NRBP2: variants seen among roughly 807,000 people sequenced by gnomAD.
NRBP2 encodes nuclear receptor binding protein 2, also known as nuclear receptor-binding protein 2.
Under a neutral mutation model 74.4 loss-of-function variants are expected in NRBP2, and 47 were observed. The ratio of observed to expected loss-of-function variants is 0.63; its 90% CI spans 0.50 to 0.81. The LOEUF (loss-of-function observed/expected upper bound fraction) is 0.81. NRBP2 is among the 30% of genes least tolerant of loss of function. The pLI is 0.00. For missense variants in NRBP2, 613 were observed against 690.1 expected, an observed-to-expected ratio of 0.89 and a Z score of 1.25; for synonymous variants, 312 against 273.8, an observed-to-expected ratio of 1.14 and a Z score of -1.38.
rs781899767 is a variant in NRBP2, at chr8:143,835,815, C to T, written c.1437+5G>A. 2.2e-5 allele frequency: 35 copies of T among 1,600,202 alleles called. No homozygotes were observed. Among genetic ancestry groups the T allele is most frequent in the Admixed American group, 3.4e-5 (2 of 58,206 alleles). ...CGCCAGGCCGCGCCGCACCGCCCAG[C>T]GCACCTCGTGGAGGAAGCCATAGTG... On this transcript the variant is annotated splice_donor_5th_base_variant and intron_variant, in intron 17 of 17. Coordinates refer to ENST00000442628, the MANE Select transcript of NRBP2 (RefSeq NM_178564.4). The surrounding 1 kb of genome is among the most constrained non-coding windows in gnomAD (Gnocchi z 4.9).
At chr8:143,832,494 G>A (rs1413525351), downstream of NRBP2, among the ~76,000 whole-genome samples, 7 of 152,212 alleles carry the variant, frequency 4.6e-5, no homozygotes, top group East Asian at 1.9e-4. Flanking sequence ...TCTCCTGCCC[G>A]TCCCTGGGCA....
Position 143,837,844 on chromosome 8 carries a change from A to G in NRBP2, c.841-89T>C. 2 of 1,484,854 alleles carry G rather than the reference A, an allele frequency of 1.3e-6. No individual in the cohort carries two copies. The highest frequency in any genetic ancestry group is 2.4e-5 in the South Asian group (2 of 82,874). The allele number at this position is 1,484,854 out of a possible 1,614,324, so 92.0% of individuals were successfully genotyped here. A position where few individuals can be genotyped will look rare whatever the true frequency, so the allele number is the denominator to read the frequency against. On this transcript the variant is annotated intron_variant, in intron 10 of 17. Coordinates refer to ENST00000442628, the MANE Select transcript of NRBP2 (RefSeq NM_178564.4). The surrounding 1 kb of genome is among the most constrained non-coding windows in gnomAD (Gnocchi z 4.3). Reference sequence around the variant, plus strand: ...AGGAGAGGTGGCCCCTGAGTTCCCCATGTCCCTCCTCAGGGACACACAGGA... The same window carrying G: ...AGGAGAGGTGGCCCCTGAGTTCCCCGTGTCCCTCCTCAGGGACACACAGGA...
chr8:143,835,689 G>A lies in NRBP2; in HGVS notation c.1479C>T (p.Phe493=), dbSNP rs1818332757. The part of the protein sequence containing the change: ...MKLAAFLEST[F]LKYRGTQA ...AGGCCTGGGTCCCACGGTACTTGAG[G>A]AAGGTGCTCTCCAGGAAGGCGGCCA... Residue 493 remains phenylalanine (F), a synonymous_variant, in exon 18 of 18, where the codon TTC becomes TTT. Transcript: ENST00000442628. This position sits in a 1 kb window ranked among gnomAD's most constrained non-coding sequence, Gnocchi z 4.9. The A allele has an allele frequency of 1.3e-6, 2 of 1,599,294 alleles. No individual in the cohort carries two copies. The highest frequency in any genetic ancestry group is 1.7e-4 in the Middle Eastern group (1 of 6,016).
In NRBP2 at chr8:143,840,104, C is replaced by T. The variant is rs1351742894; in HGVS notation, c.252+3G>A. 1.3e-6 allele frequency: 2 copies of T among 1,536,012 alleles called. No individual in the cohort carries two copies. Among genetic ancestry groups the T allele is most frequent in the Non-Finnish European group, 1.7e-6 (2 of 1,146,900 alleles). On this transcript the variant is annotated splice_donor_region_variant and intron_variant, in intron 2 of 17. Coordinates refer to ENST00000442628, the MANE Select transcript of NRBP2 (RefSeq NM_178564.4). This position sits in a 1 kb window ranked among gnomAD's most constrained non-coding sequence, Gnocchi z 5.7. ...CAGGATGAGGAGGGGGCAGCGGTCT[C>T]ACCTCGTGCGCCGCGAAGGCCTTCC...
rs1554651987 is a variant in NRBP2 at position 143,837,055 on chromosome 8, T to G, written c.1247A>C (p.Asp416Ala). The G allele has an allele frequency of 1.2e-6, 2 of 1,610,838 alleles. No homozygotes were observed. The highest frequency in any genetic ancestry group is 1.7e-5 in the Admixed American group (1 of 58,976). The change falls in exon 14 of 18, where the codon GAC becomes GCC. Residue 416 changes from aspartate to alanine, a missense_variant. Coordinates refer to ENST00000442628, the MANE Select transcript of NRBP2 (RefSeq NM_178564.4). This position sits in a 1 kb window ranked among gnomAD's most constrained non-coding sequence, Gnocchi z 4.3. The stretch of plus-strand genomic sequence containing the variant: ...GGGACTCACCTTTCTGGTCTCAGAG[T>G]CAAAGGGCTCTGGCGTCGGGGTCTT... ...KAKTPTPEPF[D>A]SETRKVIQMQ...
chr8:143,832,905 G>C (rs543370773), downstream of NRBP2, among the ~76,000 whole-genome samples: 1 of 152,064 alleles, frequency 6.6e-6, no homozygotes, highest in East Asian at 1.9e-4. Context: ...TAAGTCTCTT[G>C]TTCCACCTTA....
chr8:143,831,275 A>G (rs1453127807), downstream of NRBP2, among the ~76,000 whole-genome samples: 3 of 152,246 alleles, frequency 2.0e-5, no homozygotes, highest in Non-Finnish European at 4.4e-5. Context: ...CAGCAGTAGA[A>G]TGGCTCCAGA....
At position 143,835,639 on chromosome 8, in the gene NRBP2, T is replaced by C; in HGVS notation, c.*23A>G. 6.4e-7 allele frequency: 1 copy of C among 1,553,040 alleles called. No homozygotes were observed. The highest frequency in any genetic ancestry group is 8.7e-7 in the Non-Finnish European group (1 of 1,151,626). On this transcript the variant is annotated 3_prime_UTR_variant, in exon 18 of 18. Transcript: ENST00000442628. This position sits in a 1 kb window ranked among gnomAD's most constrained non-coding sequence, Gnocchi z 4.9. ...CTGCCCAGGCAGCACCCCGGCATGG[T>C]CCCCTGGGGCTGGGGCTCCGGGTCA... is the stretch of plus-strand genomic sequence containing the variant.
At position 143,839,617 on chromosome 8, in the gene NRBP2, GC is replaced by G; in HGVS notation, c.445-69del. 6.6e-7 allele frequency: 1 copy of G among 1,506,674 alleles called. No individual in the cohort carries two copies. The highest frequency in any genetic ancestry group is 8.8e-7 in the Non-Finnish European group (1 of 1,132,966). The allele number at this position is 1,506,674 out of a possible 1,614,324, so 93.3% of individuals were successfully genotyped here. ...AGAGGCGGCTGGGCCTGCGGAGCCC[GC>G]CCCGCATCCTCGCCCAGCCCCTGTC... On this transcript the variant is annotated intron_variant, in intron 4 of 17. Coordinates refer to ENST00000442628, the MANE Select transcript of NRBP2 (RefSeq NM_178564.4). The surrounding 1 kb of genome is among the most constrained non-coding windows in gnomAD (Gnocchi z 5.1).
chr8:143,838,623 G>C lies in NRBP2; in HGVS notation c.840+57C>G, dbSNP rs568579676. ...CTCCCAGGTCTGCCTGGAGCACCTTGCTAGCCCTAGCTGAGCACGGTGAGC... is the reference window on the plus strand; with the variant it reads ...CTCCCAGGTCTGCCTGGAGCACCTTCCTAGCCCTAGCTGAGCACGGTGAGC... On this transcript the variant is annotated intron_variant, in intron 10 of 17. Transcript: ENST00000442628. 28 of 1,318,880 alleles carry C rather than the reference G, an allele frequency of 2.1e-5. No homozygotes were observed. In the Admixed American group the frequency reaches 4.2e-4, roughly 20 times the overall value. The allele number at this position is 1,318,880 out of a possible 1,614,324, so 81.7% of individuals were successfully genotyped here. A position where few individuals can be genotyped will look rare whatever the true frequency, so the allele number is the denominator to read the frequency against.
Position 143,839,517 on chromosome 8 carries a change from A to T in NRBP2, c.477T>A (p.Ser159=), listed in dbSNP as rs1818597455. The change falls in exon 5 of 18, where the codon TCT becomes TCA. Residue 159 remains serine (S), a synonymous_variant. Coordinates refer to ENST00000442628, the MANE Select transcript of NRBP2 (RefSeq NM_178564.4). The surrounding 1 kb of genome is among the most constrained non-coding windows in gnomAD (Gnocchi z 5.1). ...AWKRWCTQIL[S]ALSFLHACSP... is the part of the protein sequence containing the mutation. ...CCAGCCCAGGCCCTCACCTGAGCGC[A>T]GACAGGATCTGCGTGCACCAGCGCT... 4 of 1,533,116 alleles carry T rather than the reference A, an allele frequency of 2.6e-6. No homozygotes were observed. Among genetic ancestry groups the T allele is most frequent in the Non-Finnish European group, 3.5e-6 (4 of 1,146,128 alleles). 95.0% of individuals were successfully genotyped at this position (1,533,116 alleles called of 1,614,324 possible).
Position 143,839,359 on chromosome 8 carries a change from C to G in NRBP2, c.535G>C (p.Asp179His). 1 of 1,583,782 alleles carries G rather than the reference C, an allele frequency of 6.3e-7. No individual in the cohort carries two copies. The highest frequency in any genetic ancestry group is 8.5e-7 in the Non-Finnish European group (1 of 1,172,702). ...PPIIHGNLTS[D>H]TIFIQHNGLI... is the part of the protein sequence containing the mutation. ...CCGTTGTGCTGAATGAAGATGGTGT[C>G]GCTGGTCAGGTTCCCGTGGATGATT... is the stretch of plus-strand genomic sequence containing the variant. The change falls in exon 6 of 18, where the codon GAC becomes CAC. Residue 179 changes from aspartate to histidine, a missense_variant. Coordinates refer to ENST00000442628, the MANE Select transcript of NRBP2 (RefSeq NM_178564.4). This position sits in a 1 kb window ranked among gnomAD's most constrained non-coding sequence, Gnocchi z 5.1.
Position 143,839,809 on chromosome 8 carries a change from T to C in NRBP2, c.371A>G (p.Glu124Gly). The C allele has an allele frequency of 6.5e-7, 1 of 1,536,090 alleles. No homozygotes were observed. The highest frequency in any genetic ancestry group is 8.7e-7 in the Non-Finnish European group (1 of 1,146,890). The change falls in exon 4 of 18, where the codon GAG becomes GGG. Residue 124 changes from glutamate (E) to glycine (G), a missense_variant. By Grantham distance (98) the Glu-to-Gly change is moderately conservative (BLOSUM62 -2). Coordinates refer to ENST00000442628, the MANE Select transcript of NRBP2 (RefSeq NM_178564.4). This position sits in a 1 kb window ranked among gnomAD's most constrained non-coding sequence, Gnocchi z 5.1. ...EACARVIFIT[E>G]YVSSGSLKQF... ...CTTGAGGCTGCCTGATGACACGTAC[T>C]CTGTGATGAAGATGACCTGCACGGT...
In NRBP2 at chr8:143,839,599, G is replaced by T; in HGVS notation, c.445-50C>A. ...CGGTCGGGTGGGCGCAGGAGAGGCG[G>T]CTGGGCCTGCGGAGCCCGCCCCGCA... On this transcript the variant is annotated intron_variant, in intron 4 of 17. Transcript: ENST00000442628. This position sits in a 1 kb window ranked among gnomAD's most constrained non-coding sequence, Gnocchi z 5.1. 1.3e-6 allele frequency: 2 copies of T among 1,513,032 alleles called. No individual in the cohort carries two copies. The highest frequency in any genetic ancestry group is 1.8e-6 in the Non-Finnish European group (2 of 1,136,462). The allele number at this position is 1,513,032 out of a possible 1,614,324, so 93.7% of individuals were successfully genotyped here.
Position 143,837,118 on chromosome 8 carries a change from C to T in NRBP2, c.1184G>A (p.Arg395His), listed in dbSNP as rs781994955. Reference sequence around the variant, plus strand: ...CTCCTCCGGGGGTGGGGCCAGCACACGGGGCAGCCCCAGGGGTCGAGTGGC... The same window carrying T: ...CTCCTCCGGGGGTGGGGCCAGCACATGGGGCAGCCCCAGGGGTCGAGTGGC... ...FAATRPLGLPRVLAPPPEEVQ... is the reference protein window; with the variant it reads ...FAATRPLGLPHVLAPPPEEVQ... The change falls in exon 14 of 18, where the codon CGT becomes CAT. Residue 395 changes from arginine (R) to histidine (H), a missense_variant. Arg to His is a conservative substitution (Grantham distance 29, BLOSUM62 0). Around this residue, in one of 2 missense-constraint regions of NRBP2, gnomAD observed 281 missense variants for 260.9 expected, o/e 1.08. Coordinates refer to ENST00000442628, the MANE Select transcript of NRBP2 (RefSeq NM_178564.4). This position sits in a 1 kb window ranked among gnomAD's most constrained non-coding sequence, Gnocchi z 4.3. 62 of 1,612,162 alleles carry T rather than the reference C, an allele frequency of 3.8e-5. No individual in the cohort carries two copies. Among genetic ancestry groups the T allele is most frequent in the Middle Eastern group, 1.6e-4 (1 of 6,064 alleles).
At position 143,835,393 on chromosome 8, in the gene NRBP2, G is replaced by A. The variant is rs1032991436; in HGVS notation, c.*269C>T. 61 of 568,292 alleles carry A rather than the reference G, an allele frequency of 1.1e-4. No homozygotes were observed. The highest frequency in any genetic ancestry group is 3.8e-4 in the East Asian group (12 of 31,556). The allele number at this position is 568,292 out of a possible 1,614,324, so 35.2% of individuals were successfully genotyped here. ...GGCAGCCTGGGTAGGAACTCAGGGC[G>A]GAGAATGGAGGATATGGGAAGGGGT... On this transcript the variant is annotated 3_prime_UTR_variant, in exon 18 of 18. Transcript: ENST00000442628. This position sits in a 1 kb window ranked among gnomAD's most constrained non-coding sequence, Gnocchi z 4.9.
At chr8:143,832,372 G>T (rs1233333439), downstream of NRBP2, among the ~76,000 whole-genome samples, 5 of 152,176 alleles carry the variant, frequency 3.3e-5, no homozygotes, top group East Asian at 9.7e-4. Context: ...CTCGTGGGAT[G>T]GGAAAGACCT....
At position 143,839,267 on chromosome 8, in the gene NRBP2, C is replaced by A. The variant is rs1278611324; in HGVS notation, c.580+47G>T. On this transcript the variant is annotated intron_variant, in intron 6 of 17. Coordinates refer to ENST00000442628, the MANE Select transcript of NRBP2 (RefSeq NM_178564.4). The surrounding 1 kb of genome is among the most constrained non-coding windows in gnomAD (Gnocchi z 5.1). ...GAACTCCTCTGCCCTTGGCTCCAGG[C>A]ACCTTCCCCTGCCCCGTTCCCCCAC... The A allele has an allele frequency of 3.3e-6, 5 of 1,535,454 alleles. No individual in the cohort carries two copies. Among genetic ancestry groups the A allele is most frequent in the African/African-American group, 1.4e-5 (1 of 73,048 alleles).
At position 143,839,587 on chromosome 8, in the gene NRBP2, G is replaced by C; in HGVS notation, c.445-38C>G. On this transcript the variant is annotated intron_variant, in intron 4 of 17. Transcript: ENST00000442628. This position sits in a 1 kb window ranked among gnomAD's most constrained non-coding sequence, Gnocchi z 5.1. ...GCACGACTCCGTCGGTCGGGTGGGCGCAGGAGAGGCGGCTGGGCCTGCGGA... is the reference window on the plus strand; with the variant it reads ...GCACGACTCCGTCGGTCGGGTGGGCCCAGGAGAGGCGGCTGGGCCTGCGGA... The C allele has an allele frequency of 6.6e-7, 1 of 1,520,078 alleles. No homozygotes were observed. Among genetic ancestry groups the C allele is most frequent in the Non-Finnish European group, 8.8e-7 (1 of 1,139,842 alleles). The allele number at this position is 1,520,078 out of a possible 1,614,324, so 94.2% of individuals were successfully genotyped here.
Sources: gnomAD v4.1 joint callset for allele counts (sites outside exome capture counted in the v4.1 genomes callset) on GRCh38, gnomAD v4.1.1 for gene constraint, gnomAD v4.1.1 regional missense constraint, Gnocchi (gnomAD v3.1) non-coding constraint, MANE v1.5 for transcripts, NCBI Gene and HGNC (gene_info 2026-07-23, HGNC 2026-07-21) for gene names.